MACF1: variants seen among roughly 807,000 people sequenced by gnomAD.
The protein encoded by MACF1 is microtubule-actin cross-linking factor 1.
Under a neutral mutation model 854.8 loss-of-function variants are expected in MACF1, and 193 were observed. The ratio of observed to expected loss-of-function variants is 0.23; its 90% CI spans 0.20 to 0.25. The LOEUF (loss-of-function observed/expected upper bound fraction) is 0.25. Ranked by LOEUF, MACF1 falls within the 10% of genes least tolerant of loss-of-function variation. MACF1 has a pLI of 1.00. For missense variants in MACF1, 7,722 were observed against 8,929.1 expected, an observed-to-expected ratio of 0.86 and a Z score of 5.45; for synonymous variants, 3,185 against 3,226.7, an observed-to-expected ratio of 0.99 and a Z score of 0.44.
intron 2 of MACF1, among the ~76,000 whole-genome samples, chr1:39,087,897 C>T (rs1174944871): frequency 2.0e-5 from 3 of 151,880 alleles, no homozygotes; most frequent in Non-Finnish European, 2.9e-5. Flanking sequence ...CTCAGCCTCC[C>T]GAGTAGCAGG....
chr1:39,339,714 G>T (rs548653198), intron 38 of MACF1, among the ~76,000 whole-genome samples: 1 of 152,302 alleles, frequency 6.6e-6, no homozygotes, highest in African/African-American at 2.4e-5. Context: ...CTTGAAGTTA[G>T]AAGAGAGAGG....
rs117854341 is a variant in MACF1, at chr1:39,225,122, T to C, written c.110-6060T>C. On this transcript the variant is annotated intron_variant, in intron 1 of 100. Transcript: ENST00000564288. ...TTGCTTGAGCCTAGGGGTTCAAGAT[T>C]ATAGTGAACTATGATCATGCTGCTG... is the stretch of plus-strand genomic sequence containing the variant. Among the ~76,000 whole-genome samples the C allele has an allele frequency of 5.8e-3, 877 of 152,264 alleles. 37 individuals carry two copies. Among genetic ancestry groups the C allele is most frequent in the Admixed American group, 0.048 (731 of 15,296 alleles).
intron 97 of MACF1, among the ~76,000 whole-genome samples, chr1:39,477,440 G>A (rs1193833720): frequency 2.6e-5 from 4 of 151,876 alleles, no homozygotes; most frequent in African/African-American, 9.7e-5. Context: ...GTCCAGGCTG[G>A]TCTCCAACCT....
chr1:39,382,757 C>T (rs746865391), intron 56 of MACF1, among the ~76,000 whole-genome samples: 7 of 151,872 alleles, frequency 4.6e-5, no homozygotes, highest in Non-Finnish European at 8.8e-5. Context: ...TTATATCTGC[C>T]GGCTTTACAT....
At chr1:39,327,376 A>C in intron 36 of MACF1, 23 bp downstream of exon 36, 1 of 1,574,098 alleles carries the variant, frequency 6.4e-7, no homozygotes, top group South Asian at 1.1e-5. Context: ...TTCATCTCCA[A>C]ATATTGGGTG....
chr1:39,385,556 C>G lies in MACF1; in HGVS notation c.13971C>G (p.Leu4657=), dbSNP rs906340413. ...SLSTSQVQKE[L]QSINQKWVEL... ...CCACCAGCCAAGTACAGAAAGAACT[C>G]CAGAGCATCAATCAGAAATGGGTTG... The change falls in exon 57 of 101, where the codon CTC becomes CTG. Residue 4657 remains leucine (L), a synonymous_variant. Transcript: ENST00000564288. 6.2e-7 allele frequency: 1 copy of G among 1,614,142 alleles called. No individual in the cohort carries two copies.
At chr1:39,436,502 A>G in intron 70 of MACF1, 1 of 1,613,492 alleles carries the variant, frequency 6.2e-7, no homozygotes, top group African/African-American at 1.3e-5. Flanking sequence ...TAAGGTACCC[A>G]TCCCCATTGG....
At chr1:39,454,549 C>G (rs540938806) in intron 88 of MACF1, among the ~76,000 whole-genome samples, 1 of 152,244 alleles carries the variant, frequency 6.6e-6, no homozygotes, top group Non-Finnish European at 1.5e-5. Flanking sequence ...GCCTATAATC[C>G]TAGAACTTTG....
chr1:39,435,310 A>G (rs1323767878), intron 69 of MACF1, among the ~76,000 whole-genome samples: 3 of 152,170 alleles, frequency 2.0e-5, no homozygotes, highest in Non-Finnish European at 4.4e-5. Flanking sequence ...AGAAGAGAGG[A>G]TGTTTCCAGG....
chr1:39,097,880 T>C (rs1294539568), intron 2 of MACF1, among the ~76,000 whole-genome samples: 1 of 152,212 alleles, frequency 6.6e-6, no homozygotes, highest in East Asian at 1.9e-4. Flanking sequence ...CTCAGTGATT[T>C]GTGCTCTTTC....
chr1:39,285,521 T>C, intron 13 of MACF1, 83 bp from the exon 14 acceptor site: 1 of 1,497,804 alleles, frequency 6.7e-7, no homozygotes, highest in Non-Finnish European at 9.1e-7. Flanking sequence ...TTTTTGGAAT[T>C]GCAGTAGACT....
chr1:39,241,050 G>GTT (rs34414583), intron 2 of MACF1, among the ~76,000 whole-genome samples: 3,649 of 129,440 alleles, frequency 0.028, 59 homozygotes, highest in South Asian at 0.043. Context: ...ACTATAATCT[G>GTT]TTTTTTTTTT....
intron 97 of MACF1, among the ~76,000 whole-genome samples, chr1:39,473,977 G>C (rs1644826615): frequency 6.6e-6 from 1 of 152,160 alleles, no homozygotes; most frequent in Admixed American, 6.5e-5. Flanking sequence ...AATTGGGCTG[G>C]GCATAGTGGC....
chr1:39,101,837 GGAAA>G (rs1358850471), intron 2 of MACF1, among the ~76,000 whole-genome samples: 5 of 143,808 alleles, frequency 3.5e-5, no homozygotes, highest in Admixed American at 2.1e-4. Context: ...AAAAAAGAAA[GGAAA>G]GAAAGAAAGG....
intron 58 of MACF1, among the ~76,000 whole-genome samples, chr1:39,406,738 CAAAAAAA>C (rs5773658): frequency 0.039 from 1,233 of 31,830 alleles, 67 homozygotes; most frequent in African/African-American, 0.17. Context: ...GAGTCTCACT[CAAAAAAA>C]AAAAAAAAAA....
At chr1:39,143,117 A>G (rs1435031326) in intron 2 of MACF1, among the ~76,000 whole-genome samples, 14 of 152,210 alleles carry the variant, frequency 9.2e-5, no homozygotes, top group Non-Finnish European at 5.9e-5. Context: ...GATCAGGCTG[A>G]TTGTGGTAGC....
chr1:39,127,838 T>A (rs923685322), intron 2 of MACF1, among the ~76,000 whole-genome samples: 6 of 151,958 alleles, frequency 3.9e-5, no homozygotes, highest in Non-Finnish European at 5.9e-5. Flanking sequence ...ATGTGAGATG[T>A]TGTAAGTTAC....
At chr1:39,437,603 C>T (rs1384866886) in intron 70 of MACF1, 174 bp from the exon 71 acceptor site, 7 of 628,878 alleles carry the variant, frequency 1.1e-5, no homozygotes, top group Non-Finnish European at 2.1e-5. Context: ...TGAGCCACCA[C>T]CCCTGGCCCA....
At chr1:39,169,756 C>T (rs1643921150) in intron 2 of MACF1, among the ~76,000 whole-genome samples, 1 of 148,182 alleles carries the variant, frequency 6.7e-6, no homozygotes, top group Admixed American at 6.9e-5. Flanking sequence ...CTCTCCTTGC[C>T]CTTTCTTTCT....
Sources: gnomAD v4.1 joint callset for allele counts (sites outside exome capture counted in the v4.1 genomes callset) on GRCh38, gnomAD v4.1.1 for gene constraint, MANE v1.5 for transcripts, NCBI Gene and HGNC (gene_info 2026-07-23, HGNC 2026-07-21) for gene names.